Variants in ATP9B observed in about 807,000 individuals in gnomAD.
ATP9B encodes probable phospholipid-transporting ATPase IIB.
In ATP9B, 110 loss-of-function variants were observed where a neutral mutation model predicts 146.1. The ratio of observed to expected loss-of-function variants is 0.75; its 90% CI spans 0.65 to 0.88. The LOEUF (loss-of-function observed/expected upper bound fraction) is 0.88. ATP9B is among the 40% of genes least tolerant of loss of function. The pLI is 0.00. For synonymous variants in ATP9B, 604 were observed against 569.7 expected (o/e 1.06, Z -0.86); for missense variants, 1,499 against 1,496.4 (o/e 1.00, Z -0.03).
intron 8 of ATP9B, among the ~76,000 whole-genome samples, chr18:79,182,291 G>C (rs1417258153): frequency 6.6e-6 from 1 of 152,156 alleles, no homozygotes; most frequent in African/African-American, 2.4e-5. Context: ...GAGCTCCGTG[G>C]TTCTCCTCCG....
At chr18:79,121,228 G>A (rs954968531) in intron 4 of ATP9B, among the ~76,000 whole-genome samples, 14 of 152,190 alleles carry the variant, frequency 9.2e-5, no homozygotes, top group African/African-American at 3.4e-4. Context: ...GCTCCGCATT[G>A]TTCTTGGGTT....
chr18:79,300,498 G>A (rs1368396790), intron 13 of ATP9B, among the ~76,000 whole-genome samples: 2 of 152,202 alleles, frequency 1.3e-5, no homozygotes, highest in African/African-American at 4.8e-5. Flanking sequence ...GGAGGTGCAG[G>A]CTGTTGAGGG....
rs140120875 is a variant in ATP9B, at chr18:79,074,510, C to T, written c.119+4981C>T. 3.9e-5 allele frequency among the ~76,000 whole-genome samples: 6 copies of T among 152,324 alleles called. No individual in the cohort carries two copies. The East Asian group carries it at 5.8e-4, about 15-fold the overall frequency. On this transcript the variant is annotated intron_variant, in intron 1 of 29. Coordinates refer to ENST00000426216, the MANE Select transcript of ATP9B (RefSeq NM_198531.5). ...CCTTATGTGGTGGGGTTGCACCTGT[C>T]GGTGCTGCCTGGCTCTCCCTAATGA...
intron 1 of ATP9B, chr18:79,095,608 A>G (rs773763775): frequency 6.6e-6 from 1 of 152,232 alleles, no homozygotes; most frequent in Non-Finnish European, 1.5e-5. Context: ...AAAGATTTCA[A>G]TATAAATGAC....
chr18:79,347,659 A>AG, intron 23 of ATP9B, 111 bp from the exon 24 acceptor site: 1 of 1,284,946 alleles, frequency 7.8e-7, no homozygotes, highest in South Asian at 1.8e-5. Context: ...CAAGTTCTGC[A>AG]GAGAGAATTT....
At chr18:79,106,652 G>A (rs1005982742) in intron 2 of ATP9B, among the ~76,000 whole-genome samples, 5 of 152,198 alleles carry the variant, frequency 3.3e-5, no homozygotes, top group Non-Finnish European at 7.3e-5. Context: ...GTAGCACAGT[G>A]ATACAAATAA....
intron 4 of ATP9B, among the ~76,000 whole-genome samples, chr18:79,123,145 A>G (rs913251967): frequency 3.3e-5 from 5 of 152,256 alleles, no homozygotes; most frequent in Non-Finnish European, 5.9e-5. Context: ...CTAGTCACAG[A>G]TGGCATGATC....
chr18:79,248,047 G>A (rs1256951473), intron 11 of ATP9B, among the ~76,000 whole-genome samples: 1 of 152,140 alleles, frequency 6.6e-6, no homozygotes, highest in African/African-American at 2.4e-5. Flanking sequence ...AGATTATTGA[G>A]CCAACAGACT....
rs113025576 is a variant in ATP9B at position 79,220,799 on chromosome 18, T to C, written c.1107+6761T>C. On this transcript the variant is annotated intron_variant, in intron 11 of 29. Coordinates refer to ENST00000426216, the MANE Select transcript of ATP9B (RefSeq NM_198531.5). Reference sequence around the variant, plus strand: ...ATACCACATTTATAGAGTTATCTTCTTTATTCCATGATGCAGCAGTAAGAA... The same window carrying C: ...ATACCACATTTATAGAGTTATCTTCCTTATTCCATGATGCAGCAGTAAGAA... 3.9e-3 allele frequency among the ~76,000 whole-genome samples: 595 copies of C among 152,346 alleles called. 2 individuals carry two copies. Among genetic ancestry groups the C allele is most frequent in the African/African-American group, 0.014 (565 of 41,582 alleles).
At chr18:79,315,759 G>C (rs552828102) in intron 15 of ATP9B, among the ~76,000 whole-genome samples, 1 of 152,286 alleles carries the variant, frequency 6.6e-6, no homozygotes, top group South Asian at 2.1e-4. Flanking sequence ...TTCTCAGAGT[G>C]GTTATTTAGC....
chr18:79,103,851 C>T (rs1037532920), intron 2 of ATP9B, among the ~76,000 whole-genome samples: 3 of 152,014 alleles, frequency 2.0e-5, no homozygotes, highest in Non-Finnish European at 4.4e-5. Flanking sequence ...AGGTAGGCCC[C>T]CACGACGTTG....
rs115489736 is a variant in ATP9B, at chr18:79,310,123, A to G, written c.1773+2889A>G. ...GAGGCAGGAAGAAGGGTGGAGAGGC[A>G]TGAGAGAGCCTCTTTCCCTGGTGAT... On this transcript the variant is annotated intron_variant, in intron 15 of 29. Transcript: ENST00000426216. 9.0e-3 allele frequency among the ~76,000 whole-genome samples: 1,365 copies of G among 152,246 alleles called. 8 individuals are homozygous for G. The highest frequency in any genetic ancestry group is 0.023 in the African/African-American group (961 of 41,542).
chr18:79,141,759 T>C (rs964529083), intron 5 of ATP9B, among the ~76,000 whole-genome samples: 22 of 152,352 alleles, frequency 1.4e-4, no homozygotes, highest in African/African-American at 5.0e-4. Context: ...AAATCTGATA[T>C]TAGTATATTA....
chr18:79,263,234 G>A (rs2096163656), intron 12 of ATP9B, among the ~76,000 whole-genome samples: 1 of 152,096 alleles, frequency 6.6e-6, no homozygotes, highest in South Asian at 2.1e-4. Flanking sequence ...TCATCTCTTG[G>A]TTCCCATGGG....
intron 12 of ATP9B, among the ~76,000 whole-genome samples, chr18:79,256,659 T>G (rs1461092829): frequency 6.6e-6 from 1 of 152,134 alleles, no homozygotes; most frequent in Non-Finnish European, 1.5e-5. Flanking sequence ...ATCTTTACTC[T>G]CCTCTCAATC....
At chr18:79,229,570 G>A (rs931367987) in intron 11 of ATP9B, among the ~76,000 whole-genome samples, 23 of 152,148 alleles carry the variant, frequency 1.5e-4, no homozygotes, top group South Asian at 6.2e-4. Flanking sequence ...CACATGAGGC[G>A]TCTCCCCCGT....
chr18:79,083,445 C>G (rs748306290), intron 1 of ATP9B, among the ~76,000 whole-genome samples: 7 of 152,160 alleles, frequency 4.6e-5, no homozygotes, highest in Non-Finnish European at 2.9e-5. Flanking sequence ...CCAGGCGCCA[C>G]TGGGGTATGA....
Position 79,193,174 on chromosome 18 carries a change from G to C in ATP9B, c.874-9G>C. The stretch of plus-strand genomic sequence containing the variant: ...ACATTCTAATCGATTCAAATGTTCT[G>C]TATTCCAGGACCTTTTTTCTATCAG... On this transcript the variant is annotated splice_polypyrimidine_tract_variant and intron_variant, in intron 8 of 29. Coordinates refer to ENST00000426216, the MANE Select transcript of ATP9B (RefSeq NM_198531.5). 6.3e-7 allele frequency: 1 copy of C among 1,580,364 alleles called. No individual in the cohort carries two copies. Among genetic ancestry groups the C allele is most frequent in the Non-Finnish European group, 8.7e-7 (1 of 1,151,868 alleles).
chr18:79,208,738 G>A (rs1370536570), intron 10 of ATP9B, among the ~76,000 whole-genome samples: 4 of 151,100 alleles, frequency 2.6e-5, no homozygotes, highest in Non-Finnish European at 5.9e-5. Context: ...ACATATAAAT[G>A]TTATGTGTGT....
Sources: allele counts gnomAD v4.1 joint callset (sites outside exome capture counted in the v4.1 genomes callset), GRCh38; gene constraint gnomAD v4.1.1; transcripts MANE v1.5; gene names NCBI Gene and HGNC (gene_info 2026-07-23, HGNC 2026-07-21).